The following ELOVL5 variants were observed in gnomAD, a reference collection of about 807,000 sequenced individuals.
ELOVL5 encodes ELOVL fatty acid elongase 5, also known as very long chain fatty acid elongase 5.
Under a neutral mutation model 38.6 loss-of-function variants are expected in ELOVL5, and 8 were observed. That is an observed-to-expected ratio of 0.21 (90% CI 0.12 to 0.37). The LOEUF (loss-of-function observed/expected upper bound fraction) is 0.37, where lower values mean the gene tolerates loss of function less well. ELOVL5 is among the 10% of genes least tolerant of loss of function. The pLI is 1.00. For missense variants in ELOVL5, 280 were observed against 367.8 expected, an observed-to-expected ratio of 0.76 and a Z score of 1.95; for synonymous variants, 127 against 133.7, an observed-to-expected ratio of 0.95 and a Z score of 0.34.
intron 2 of ELOVL5, chr6:53,294,509 G>A: frequency 6.5e-7 from 1 of 1,543,132 alleles, no homozygotes; most frequent in Non-Finnish European, 8.8e-7. Flanking sequence ...TGGCAAAGTA[G>A]AAAATGACAA....
At position 53,273,310 on chromosome 6, in the gene ELOVL5, G is replaced by A. The variant is rs187353151; in HGVS notation, c.531C>T (p.His177=). Residue 177 remains histidine, a synonymous_variant, in exon 6 of 8, where the codon CAC becomes CAT. Transcript: ENST00000304434. ...YFGATLNSFI[H]VLMYSYYGLS... ...AACCATAGTAAGAGTACATGAGGAC[G>A]TGGATGAAGCTATTAAGTGTGGCAC... is the stretch of plus-strand genomic sequence containing the variant. The A allele has an allele frequency of 3.9e-4, 622 of 1,613,526 alleles. No individual in the cohort carries two copies. Among genetic ancestry groups the A allele is most frequent in the Non-Finnish European group, 1.9e-4 (228 of 1,179,558 alleles).
chr6:53,317,840 A>AT (rs1209127277), intron 1 of ELOVL5, among the ~76,000 whole-genome samples: 1 of 148,132 alleles, frequency 6.8e-6, no homozygotes, highest in Non-Finnish European at 1.5e-5. Flanking sequence ...AAAATTAAAA[A>AT]AAATAAAATA....
chr6:53,275,079 C>T lies in ELOVL5; in HGVS notation c.496+11G>A. The T allele has an allele frequency of 6.2e-7, 1 of 1,613,464 alleles. No homozygotes were observed. Among genetic ancestry groups the T allele is most frequent in the Non-Finnish European group, 8.5e-7 (1 of 1,179,742 alleles). On this transcript the variant is annotated intron_variant, in intron 5 of 7. Transcript: ENST00000304434. ...ACACCTGTTCCCCAAGTCCCCGTCT[C>T]TAATACTTACAGTGGCCGCAGGGGA...
At chr6:53,337,360 A>G (rs1288860629) in intron 1 of ELOVL5, 1 of 152,224 alleles carries the variant, frequency 6.6e-6, no homozygotes, top group Non-Finnish European at 1.5e-5. Flanking sequence ...ACGAGTCCTT[A>G]GATGGCATGT....
intron 1 of ELOVL5, among the ~76,000 whole-genome samples, chr6:53,316,718 T>G (rs1768060456): frequency 1.5e-5 from 2 of 132,546 alleles, no homozygotes; most frequent in African/African-American, 2.8e-5. Context: ...GAGGGGGGAG[T>G]CCAAGCTCTT....
intron 1 of ELOVL5, among the ~76,000 whole-genome samples, chr6:53,305,444 C>T (rs551082787): frequency 0.011 from 1,615 of 149,494 alleles, 34 homozygotes; most frequent in African/African-American, 0.037. Context: ...ACTTCCCAGA[C>T]GGGGTGGCAG....
intron 1 of ELOVL5, among the ~76,000 whole-genome samples, chr6:53,323,216 A>G (rs1768369199): frequency 6.6e-6 from 1 of 152,322 alleles, no homozygotes; most frequent in South Asian, 2.1e-4. Context: ...GTAACACACT[A>G]CTGGGTCCCA....
At chr6:53,290,011 A>G (rs1356490077) in intron 3 of ELOVL5, 1 of 152,176 alleles carries the variant, frequency 6.6e-6, no homozygotes, top group South Asian at 2.1e-4. Flanking sequence ...CCTATTCTGT[A>G]TATTTCTTAA....
intron 1 of ELOVL5, among the ~76,000 whole-genome samples, chr6:53,301,592 A>T (rs763090780): frequency 4.6e-5 from 7 of 152,164 alleles, no homozygotes; most frequent in African/African-American, 1.7e-4. Flanking sequence ...CCAGAATTAC[A>T]GGTTACAACA....
chr6:53,274,969 G>A (rs952678492), intron 5 of ELOVL5, 121 bp downstream of exon 5: 2 of 962,858 alleles, frequency 2.1e-6, no homozygotes, highest in Admixed American at 2.8e-5. Flanking sequence ...AAAGCAACTT[G>A]AACACAAAGC....
chr6:53,331,223 A>G (rs1270637403), intron 1 of ELOVL5, among the ~76,000 whole-genome samples: 1 of 152,072 alleles, frequency 6.6e-6, no homozygotes, highest in Non-Finnish European at 1.5e-5. Flanking sequence ...GCTACTTGGA[A>G]GCTGAGGTGG....
intron 4 of ELOVL5, among the ~76,000 whole-genome samples, chr6:53,275,939 A>C (rs2127567694): frequency 6.6e-6 from 1 of 152,262 alleles, no homozygotes; most frequent in South Asian, 2.1e-4. Flanking sequence ...ACTGCATGTG[A>C]TTTTTCCTGC....
intron 1 of ELOVL5, among the ~76,000 whole-genome samples, chr6:53,302,985 G>C (rs1767321090): frequency 6.6e-6 from 1 of 152,054 alleles, no homozygotes. Flanking sequence ...AGATTTCCTT[G>C]CATTTTCTCT....
At chr6:53,303,116 G>A (rs963828203) in intron 1 of ELOVL5, among the ~76,000 whole-genome samples, 5 of 152,132 alleles carry the variant, frequency 3.3e-5, no homozygotes, top group South Asian at 4.1e-4. Flanking sequence ...CTTTAATTTG[G>A]TAGTCACAAC....
chr6:53,310,885 G>A (rs1366922575), intron 1 of ELOVL5, among the ~76,000 whole-genome samples: 4 of 152,162 alleles, frequency 2.6e-5, no homozygotes, highest in Non-Finnish European at 4.4e-5. Context: ...AGAAAAGACC[G>A]TTGGTTTTTT....
At chr6:53,305,692 C>T (rs1767502799) in intron 1 of ELOVL5, among the ~76,000 whole-genome samples, 3 of 151,298 alleles carry the variant, frequency 2.0e-5, no homozygotes, top group Non-Finnish European at 4.4e-5. Flanking sequence ...GGATGGCGGC[C>T]GGGCAGAGAC....
At chr6:53,277,009 A>C (rs1366851041) in intron 3 of ELOVL5, 2 of 146,304 alleles carry the variant, frequency 1.4e-5, no homozygotes, top group Non-Finnish European at 1.5e-5. Flanking sequence ...ATCACAGCCC[A>C]GCAGTTATCA....
chr6:53,331,394 T>G (rs1369320718), intron 1 of ELOVL5, among the ~76,000 whole-genome samples: 3 of 151,684 alleles, frequency 2.0e-5, no homozygotes, highest in Admixed American at 6.5e-5. Context: ...GTAACATAGT[T>G]GTTTATTATC....
intron 3 of ELOVL5, among the ~76,000 whole-genome samples, chr6:53,282,933 A>G (rs1451896987): frequency 2.0e-5 from 3 of 152,240 alleles, no homozygotes; most frequent in Non-Finnish European, 4.4e-5. Flanking sequence ...GTTCCATCAG[A>G]TGGCCTTCAA....
Sources: allele counts gnomAD v4.1 joint callset (sites outside exome capture counted in the v4.1 genomes callset), GRCh38; gene constraint gnomAD v4.1.1; transcripts MANE v1.5; gene names NCBI Gene and HGNC (gene_info 2026-07-23, HGNC 2026-07-21).